The following MARCHF4 variants were observed in gnomAD, a reference collection of about 807,000 sequenced individuals.
MARCHF4 encodes the protein membrane associated ring-CH-type finger 4.
In MARCHF4, 14 loss-of-function variants were observed where a neutral mutation model predicts 43.9. The observed-to-expected ratio is 0.32, with a 90% confidence interval of 0.21 to 0.50. The LOEUF (loss-of-function observed/expected upper bound fraction) is 0.50. MARCHF4 is among the 20% of genes least tolerant of loss of function. The pLI, the probability that MARCHF4 is intolerant of heterozygous loss-of-function variation, is 0.98. For synonymous variants in MARCHF4, 226 were observed against 213.3 expected (o/e 1.06, Z -0.52); for missense variants, 468 against 536.7 (o/e 0.87, Z 1.27).
intron 1 of MARCHF4, among the ~76,000 whole-genome samples, chr2:216,292,476 C>T (rs1191422538): frequency 1.3e-5 from 2 of 152,178 alleles, no homozygotes; most frequent in Non-Finnish European, 2.9e-5. Context: ...CAGAAAAATT[C>T]ACTGGATTTG....
chr2:216,289,315 T>C (rs1384783855), intron 1 of MARCHF4, among the ~76,000 whole-genome samples: 1 of 150,526 alleles, frequency 6.6e-6, no homozygotes, highest in Non-Finnish European at 1.5e-5. Flanking sequence ...AATATATTGT[T>C]TTTGTTGAAG....
At chr2:216,321,884 T>C (rs1691901463) in intron 1 of MARCHF4, 2 of 152,186 alleles carry the variant, frequency 1.3e-5, no homozygotes, top group Admixed American at 1.3e-4. Context: ...GGCATCTTGC[T>C]TGAGGAGGAG....
intron 2 of MARCHF4, among the ~76,000 whole-genome samples, chr2:216,278,741 C>A (rs1691076676): frequency 6.6e-6 from 1 of 152,130 alleles, no homozygotes; most frequent in South Asian, 2.1e-4. Flanking sequence ...TTACTGAATG[C>A]ATATCAACAC....
chr2:216,272,644 A>G (rs1690958524), intron 3 of MARCHF4, among the ~76,000 whole-genome samples: 1 of 152,196 alleles, frequency 6.6e-6, no homozygotes. Context: ...TCTGTTAAAT[A>G]TGCATCCTAA....
At chr2:216,329,792 G>T (rs927628835) in intron 1 of MARCHF4, among the ~76,000 whole-genome samples, 2 of 150,962 alleles carry the variant, frequency 1.3e-5, no homozygotes, top group Non-Finnish European at 3.0e-5. Context: ...GACACAAAAG[G>T]TAGAAAGAAA....
chr2:216,301,076 T>A (rs1691486005), intron 1 of MARCHF4, among the ~76,000 whole-genome samples: 1 of 152,186 alleles, frequency 6.6e-6, no homozygotes, highest in Admixed American at 6.5e-5. Flanking sequence ...CGCATCCTGC[T>A]GGGGAGACCC....
At chr2:216,369,681 C>T (rs530565726) in intron 1 of MARCHF4, 64 bp downstream of exon 1, 6 of 1,344,686 alleles carry the variant, frequency 4.5e-6, no homozygotes, top group African/African-American at 1.5e-5. Flanking sequence ...GGCAAGCAGG[C>T]GAGTAGCAAT....
chr2:216,341,352 G>A (rs375300171), intron 1 of MARCHF4, among the ~76,000 whole-genome samples: 2 of 152,184 alleles, frequency 1.3e-5, no homozygotes, highest in African/African-American at 2.4e-5. Context: ...ATGGCTCCTA[G>A]AAGAGGCCTG....
At chr2:216,301,994 T>G (rs1447352832) in intron 1 of MARCHF4, among the ~76,000 whole-genome samples, 4 of 152,152 alleles carry the variant, frequency 2.6e-5, no homozygotes, top group East Asian at 1.9e-4. Context: ...TCTGTCAACC[T>G]AGTGGTATAG....
At chr2:216,363,449 T>C (rs970480310) in intron 1 of MARCHF4, among the ~76,000 whole-genome samples, 10 of 152,234 alleles carry the variant, frequency 6.6e-5, no homozygotes, top group African/African-American at 2.4e-4. Context: ...ACATGTAAGA[T>C]AGCTATACCT....
chr2:216,331,692 C>A (rs898202797), intron 1 of MARCHF4, among the ~76,000 whole-genome samples: 1 of 152,164 alleles, frequency 6.6e-6, no homozygotes, highest in African/African-American at 2.4e-5. Context: ...AACCGATCAA[C>A]GTAGTTCATG....
chr2:216,267,889 G>T (rs896073988), intron 3 of MARCHF4, among the ~76,000 whole-genome samples: 2 of 152,032 alleles, frequency 1.3e-5, no homozygotes, highest in Non-Finnish European at 2.9e-5. Context: ...TTTGGAAAAG[G>T]ACAGTGCATC....
At chr2:216,300,728 G>A (rs1434014340) in intron 1 of MARCHF4, among the ~76,000 whole-genome samples, 5 of 152,068 alleles carry the variant, frequency 3.3e-5, no homozygotes, top group Admixed American at 1.3e-4. Flanking sequence ...CACGGCTTCT[G>A]TTGAATCCCC....
intron 1 of MARCHF4, among the ~76,000 whole-genome samples, chr2:216,288,546 C>T (rs1691255769): frequency 6.6e-6 from 1 of 152,134 alleles, no homozygotes; most frequent in East Asian, 1.9e-4. Context: ...GGATAAGGGA[C>T]CCTGACTTCT....
intron 2 of MARCHF4, among the ~76,000 whole-genome samples, chr2:216,279,264 T>C (rs544760909): frequency 2.6e-5 from 4 of 151,978 alleles, no homozygotes; most frequent in Non-Finnish European, 4.4e-5. Flanking sequence ...GAAGAAAGCA[T>C]GGGAAGGATA....
In MARCHF4 at chr2:216,361,188, T is replaced by C. The variant is rs539357531; in HGVS notation, c.516+8557A>G. 4.6e-5 allele frequency among the ~76,000 whole-genome samples: 7 copies of C among 152,336 alleles called. No individual in the cohort carries two copies. The South Asian group carries it at 1.5e-3, about 32-fold the overall frequency. ...GACTCTGAGTCTAATGCCTTCTTTC[T>C]TTGTTTATAAAGCAGACTGACACCA... is the stretch of plus-strand genomic sequence containing the variant. On this transcript the variant is annotated intron_variant, in intron 1 of 3. Coordinates refer to ENST00000273067, the MANE Select transcript of MARCHF4 (RefSeq NM_020814.3).
At chr2:216,299,847 C>A (rs1272405179) in intron 1 of MARCHF4, among the ~76,000 whole-genome samples, 1 of 152,218 alleles carries the variant, frequency 6.6e-6, no homozygotes, top group Non-Finnish European at 1.5e-5. Context: ...GGTTGACTGT[C>A]CTCTGCCTCA....
chr2:216,298,512 T>G (rs1389906967), intron 1 of MARCHF4, among the ~76,000 whole-genome samples: 1 of 152,158 alleles, frequency 6.6e-6, no homozygotes, highest in African/African-American at 2.4e-5. Flanking sequence ...GAGATTCACC[T>G]GCTTTGGCCT....
At position 216,258,068 on chromosome 2, in the gene MARCHF4, G is replaced by C. The variant is rs1423432029; in HGVS notation, c.*1244C>G. ...CCTTCCCTGGCAGGGTCCCCAGAGC[G>C]AGCAGGAGGGGTCCAGGGGTAGTGC... is the stretch of plus-strand genomic sequence containing the variant. On this transcript the variant is annotated 3_prime_UTR_variant, in exon 4 of 4. Transcript: ENST00000273067. 2 of 152,188 alleles carry C rather than the reference G, an allele frequency of 1.3e-5. No homozygotes were observed. The highest frequency in any genetic ancestry group is 2.9e-5 in the Non-Finnish European group (2 of 68,090). 9.4% of individuals were successfully genotyped at this position (152,188 alleles called of 1,614,324 possible).
Sources: allele counts gnomAD v4.1 joint callset (sites outside exome capture counted in the v4.1 genomes callset), GRCh38; gene constraint gnomAD v4.1.1; transcripts MANE v1.5; gene names NCBI Gene and HGNC (gene_info 2026-07-23, HGNC 2026-07-21).